Variants in FKTN observed in about 807,000 individuals in gnomAD.
FKTN encodes the protein ribitol-5-phosphate transferase FKTN.
In FKTN, 47 loss-of-function variants were observed where a neutral mutation model predicts 58.6. The observed-to-expected ratio is 0.80, with a 90% CI of 0.63 to 1.02. The LOEUF (loss-of-function observed/expected upper bound fraction) is 1.02, where lower values mean the gene tolerates loss of function less well. Ranked by LOEUF, FKTN falls within the 50% of genes least tolerant of loss-of-function variation. The pLI is 0.00. For synonymous variants in FKTN, 178 were observed against 191.9 expected (o/e 0.93, Z 0.60); for missense variants, 516 against 537.3 (o/e 0.96, Z 0.39).
chr9:105,628,097 T>C (rs1233942669), intron 10 of FKTN, among the ~76,000 whole-genome samples: 2 of 152,260 alleles, frequency 1.3e-5, no homozygotes, highest in Non-Finnish European at 2.9e-5. Context: ...AGATTGATAC[T>C]GTGCTCCTAC....
chr9:105,618,836 G>A (rs1167678490), intron 9 of FKTN, among the ~76,000 whole-genome samples: 6 of 152,138 alleles, frequency 3.9e-5, no homozygotes, highest in Non-Finnish European at 5.9e-5. Flanking sequence ...ATGGGAGGCC[G>A]AGGCGGGTGG....
At chr9:105,565,761 A>G (rs1286344683) in intron 1 of FKTN, among the ~76,000 whole-genome samples, 1 of 152,226 alleles carries the variant, frequency 6.6e-6, no homozygotes, top group Non-Finnish European at 1.5e-5. Context: ...GTTAACAAGG[A>G]TATCCAGGAA....
chr9:105,582,419 C>G (rs905794510), intron 3 of FKTN, among the ~76,000 whole-genome samples: 3 of 152,204 alleles, frequency 2.0e-5, no homozygotes, highest in Non-Finnish European at 4.4e-5. Flanking sequence ...TGGTCTTGAA[C>G]TCCTGGCCTC....
intron 7 of FKTN, among the ~76,000 whole-genome samples, chr9:105,614,391 A>G (rs1830447886): frequency 6.6e-6 from 1 of 152,182 alleles, no homozygotes; most frequent in South Asian, 2.1e-4. Flanking sequence ...TCTTTCATTC[A>G]TTCAGCAAAT....
intron 7 of FKTN, among the ~76,000 whole-genome samples, chr9:105,614,087 A>ACC (rs1328207464): frequency 7.2e-5 from 11 of 152,060 alleles, no homozygotes; most frequent in Admixed American, 5.9e-4. Flanking sequence ...ATGAGGCTGG[A>ACC]CCCCAGTAGT....
Position 105,639,913 on chromosome 9 carries a change from T to G in FKTN, c.*4649T>G, listed in dbSNP as rs1834308399. The G allele has an allele frequency of 6.9e-7, 1 of 1,440,948 alleles. No individual in the cohort carries two copies. The highest frequency in any genetic ancestry group is 1.4e-5 in the African/African-American group (1 of 69,998). 89.3% of individuals were successfully genotyped at this position (1,440,948 alleles called of 1,614,324 possible). A position where few individuals can be genotyped will look rare whatever the true frequency, so the allele number is the denominator to read the frequency against. The stretch of plus-strand genomic sequence containing the variant: ...TTTCAATATTCTAGCCTTTCCTAGA[T>G]GTAAATCTTTACCTCCTTGTTAGTG... On this transcript the variant is annotated 3_prime_UTR_variant, in exon 11 of 11. Transcript: ENST00000357998.
chr9:105,559,154 C>A (rs1457088874), intron 1 of FKTN, among the ~76,000 whole-genome samples: 1 of 152,176 alleles, frequency 6.6e-6, no homozygotes. Context: ...CTGTTGAATT[C>A]CAGCATGCAA....
rs1010722329 is a variant in FKTN, at chr9:105,632,431, T to A, written c.1173-2620T>A. Among the ~76,000 whole-genome samples, 12 of 147,444 alleles carry A rather than the reference T, an allele frequency of 8.1e-5. No homozygotes were observed. The South Asian group carries it at 1.5e-3, about 18-fold the overall frequency. ...CTTAAAAGTATAATAAAAAAAAATA[T>A]ATATATATATAAAAATAAAAAATAA... On this transcript the variant is annotated intron_variant, in intron 10 of 10. Transcript: ENST00000357998.
Position 105,578,331 on chromosome 9 carries a change from T to G in FKTN, c.105+3194T>G, listed in dbSNP as rs1333128416. Among the ~76,000 whole-genome samples, 6 of 148,016 alleles carry G rather than the reference T, an allele frequency of 4.1e-5. No individual in the cohort carries two copies. In the East Asian group the frequency reaches 9.7e-4, roughly 24 times the overall value. On this transcript the variant is annotated intron_variant, in intron 3 of 10. Coordinates refer to ENST00000357998, the MANE Select transcript of FKTN (RefSeq NM_001079802.2). ...TTGTCATAGATAGCTCTTATCATTT[T>G]GAAATACGTCCCATCAATACCTAAT...
intron 10 of FKTN, among the ~76,000 whole-genome samples, chr9:105,629,435 T>A (rs1352291938): frequency 6.6e-6 from 1 of 152,166 alleles, no homozygotes; most frequent in Non-Finnish European, 1.5e-5. Context: ...GTATTGAGTA[T>A]GAAAATTGAA....
intron 4 of FKTN, among the ~76,000 whole-genome samples, chr9:105,599,475 CTTTTTTTT>C (rs56397759): frequency 9.9e-6 from 1 of 101,170 alleles, no homozygotes; most frequent in South Asian, 3.3e-4. Flanking sequence ...TCAGGTTTTG[CTTTTTTTT>C]TTTTTTTTTT....
chr9:105,572,198 G>A (rs955952315), intron 1 of FKTN, among the ~76,000 whole-genome samples: 1 of 150,436 alleles, frequency 6.6e-6, no homozygotes, highest in African/African-American at 2.4e-5. Context: ...ATCACTATTG[G>A]TATTATTTCT....
intron 10 of FKTN, chr9:105,633,523 G>A (rs1262598484): frequency 6.6e-6 from 1 of 152,250 alleles, no homozygotes; most frequent in Non-Finnish European, 1.5e-5. Flanking sequence ...GGAGGCTGGT[G>A]ATGGATTGTT....
rs1833975127 is a variant in FKTN at position 105,635,600 on chromosome 9, G to A, written c.*336G>A. 3.4e-6 allele frequency: 4 copies of A among 1,179,134 alleles called. No individual in the cohort carries two copies. The highest frequency in any genetic ancestry group is 1.1e-4 in the East Asian group (2 of 17,884). 73.0% of individuals were successfully genotyped at this position (1,179,134 alleles called of 1,614,324 possible). ...CAAGTTCTGTACAGGTTTTTAAAAC[G>A]TGAAGTAATGTTTGAACTGGAAGAT... On this transcript the variant is annotated 3_prime_UTR_variant, in exon 11 of 11. Transcript: ENST00000357998.
rs1834256628 is a variant in FKTN, at chr9:105,639,169, C to T, written c.*3905C>T. Reference sequence around the variant, plus strand: ...AACAGGTAATTATTAGTTGTAATAGCTTTAATGCATGGAAAAACTTCAGTT... The same window carrying T: ...AACAGGTAATTATTAGTTGTAATAGTTTTAATGCATGGAAAAACTTCAGTT... On this transcript the variant is annotated 3_prime_UTR_variant, in exon 11 of 11. Coordinates refer to ENST00000357998, the MANE Select transcript of FKTN (RefSeq NM_001079802.2). 2.0e-6 allele frequency: 2 copies of T among 985,316 alleles called. No individual in the cohort carries two copies. The highest frequency in any genetic ancestry group is 2.4e-6 in the Non-Finnish European group (2 of 829,856). 61.0% of individuals were successfully genotyped at this position (985,316 alleles called of 1,614,324 possible).
chr9:105,619,408 A>G (rs1026913416), intron 9 of FKTN, among the ~76,000 whole-genome samples: 5 of 152,116 alleles, frequency 3.3e-5, no homozygotes, highest in Admixed American at 3.3e-4. Flanking sequence ...TCTTTAGGGA[A>G]ATGTTCTCAG....
chr9:105,585,626 C>G (rs919088844), intron 3 of FKTN, among the ~76,000 whole-genome samples: 2 of 152,128 alleles, frequency 1.3e-5, no homozygotes, highest in Non-Finnish European at 2.9e-5. Context: ...GATGCATCCT[C>G]AGTTTTCTAA....
intron 3 of FKTN, among the ~76,000 whole-genome samples, chr9:105,576,360 T>A (rs1317782662): frequency 6.6e-6 from 1 of 151,930 alleles, no homozygotes; most frequent in Non-Finnish European, 1.5e-5. Context: ...ATATTCCCCT[T>A]CCTGTGTCCA....
intron 10 of FKTN, among the ~76,000 whole-genome samples, chr9:105,629,854 T>G (rs1043386644): frequency 6.6e-6 from 1 of 152,206 alleles, no homozygotes; most frequent in African/African-American, 2.4e-5. Flanking sequence ...CATGGAATAC[T>G]ATGCAGCCAT....
Sources: allele counts gnomAD v4.1 joint callset (sites outside exome capture counted in the v4.1 genomes callset), GRCh38; gene constraint gnomAD v4.1.1; transcripts MANE v1.5; gene names NCBI Gene and HGNC (gene_info 2026-07-23, HGNC 2026-07-21).